The following PLD5 variants were observed in gnomAD, a reference collection of about 807,000 sequenced individuals.
The protein encoded by PLD5 is inactive phospholipase D5.
In PLD5, 36 loss-of-function variants were observed where a neutral mutation model predicts 61.1. The observed-to-expected ratio is 0.59, with a 90% confidence interval of 0.45 to 0.78. The LOEUF is 0.78. Among genes scored for constraint, PLD5 ranks in the 30% least tolerant of loss-of-function variants. PLD5 has a pLI of 0.00. For missense variants in PLD5, 515 were observed against 644.4 expected (o/e 0.80, Z 2.17); for synonymous variants, 243 against 242.8 (o/e 1.00, Z -0.01).
chr1:242,359,365 G>C (rs1421396466), intron 1 of PLD5, among the ~76,000 whole-genome samples: 1 of 152,136 alleles, frequency 6.6e-6, no homozygotes, highest in East Asian at 1.9e-4. Flanking sequence ...TTGAGGAAGA[G>C]GGAAGGATGA....
At chr1:242,156,107 C>T (rs928814768) in intron 5 of PLD5, among the ~76,000 whole-genome samples, 3 of 152,074 alleles carry the variant, frequency 2.0e-5, no homozygotes, top group African/African-American at 7.2e-5. Flanking sequence ...TTATGTAATG[C>T]CCCTCTTTGT....
chr1:242,143,838 C>CT (rs954320100), intron 5 of PLD5, among the ~76,000 whole-genome samples: 189 of 148,134 alleles, frequency 1.3e-3, no homozygotes, highest in African/African-American at 4.3e-3. Flanking sequence ...TATTTCTTTC[C>CT]TTTTTTTTTT....
At chr1:242,463,731 C>A (rs76054583) in intron 1 of PLD5, among the ~76,000 whole-genome samples, 6,254 of 151,064 alleles carry the variant, frequency 0.041, 197 homozygotes, top group Middle Eastern at 0.061. Context: ...TCCTCGTGTA[C>A]ACTCAGGACA....
At chr1:242,331,640 C>T (rs1307945186) in intron 2 of PLD5, among the ~76,000 whole-genome samples, 5 of 152,134 alleles carry the variant, frequency 3.3e-5, no homozygotes, top group African/African-American at 7.2e-5. Context: ...ACATAATCAA[C>T]GTTTAATATT....
At chr1:242,198,773 T>C (rs1224980717) in intron 5 of PLD5, among the ~76,000 whole-genome samples, 2 of 151,800 alleles carry the variant, frequency 1.3e-5, no homozygotes, top group Non-Finnish European at 2.9e-5. Context: ...TTTCACTCGT[T>C]GCCCAGGCTG....
At chr1:242,387,523 G>A (rs912789028) in intron 1 of PLD5, among the ~76,000 whole-genome samples, 1 of 151,956 alleles carries the variant, frequency 6.6e-6, no homozygotes, top group Non-Finnish European at 1.5e-5. Context: ...TACCTACAAG[G>A]GTTTCAAATG....
chr1:242,510,597 G>A (rs978693350), intron 1 of PLD5, among the ~76,000 whole-genome samples: 1 of 152,208 alleles, frequency 6.6e-6, no homozygotes, highest in African/African-American at 2.4e-5. Context: ...TGTAATCCCA[G>A]CACTTTGGGA....
chr1:242,386,324 A>G (rs1662599706), intron 1 of PLD5, among the ~76,000 whole-genome samples: 1 of 152,204 alleles, frequency 6.6e-6, no homozygotes, highest in Non-Finnish European at 1.5e-5. Context: ...ATATCAAAGG[A>G]AAACAGGATA....
At chr1:242,287,487 T>G (rs1427082038) in intron 3 of PLD5, among the ~76,000 whole-genome samples, 2 of 152,200 alleles carry the variant, frequency 1.3e-5, no homozygotes, top group Non-Finnish European at 2.9e-5. Context: ...TTGTTTTTTG[T>G]TTTTATTTTC....
intron 1 of PLD5, among the ~76,000 whole-genome samples, chr1:242,407,239 G>C (rs61247458): frequency 6.6e-6 from 1 of 151,402 alleles, no homozygotes; most frequent in Non-Finnish European, 1.5e-5. Flanking sequence ...TTCATTTTCC[G>C]TCACGATGGT....
intron 4 of PLD5, among the ~76,000 whole-genome samples, chr1:242,238,349 T>G (rs1389925727): frequency 6.6e-6 from 1 of 152,220 alleles, no homozygotes; most frequent in African/African-American, 2.4e-5. Context: ...CTGCACTTCA[T>G]GGATACTCTG....
intron 1 of PLD5, among the ~76,000 whole-genome samples, chr1:242,501,019 G>A (rs377365016): frequency 6.6e-6 from 1 of 152,056 alleles, no homozygotes; most frequent in South Asian, 2.1e-4. Context: ...TTCATAAAAA[G>A]GAAAATAAAT....
At chr1:242,479,690 A>C (rs1422887151) in intron 1 of PLD5, among the ~76,000 whole-genome samples, 1 of 152,144 alleles carries the variant, frequency 6.6e-6, no homozygotes, top group African/African-American at 2.4e-5. Flanking sequence ...ATATATATAA[A>C]ATGAAAATGA....
chr1:242,376,193 T>C (rs1430845081), intron 1 of PLD5, among the ~76,000 whole-genome samples: 1 of 152,212 alleles, frequency 6.6e-6, no homozygotes, highest in Non-Finnish European at 1.5e-5. Flanking sequence ...TTTTTTTCTT[T>C]AGAATAGCCT....
chr1:242,326,551 C>T (rs1306233800), intron 2 of PLD5, among the ~76,000 whole-genome samples: 1 of 152,108 alleles, frequency 6.6e-6, no homozygotes, highest in Non-Finnish European at 1.5e-5. Flanking sequence ...AAATCCTCCC[C>T]CATCCCTCCT....
At chr1:242,485,710 ATTACT>A (rs1177056640) in intron 1 of PLD5, among the ~76,000 whole-genome samples, 1 of 152,222 alleles carries the variant, frequency 6.6e-6, no homozygotes, top group Non-Finnish European at 1.5e-5. Flanking sequence ...ATTGGAAAAA[ATTACT>A]TTAAAGTTCA....
At chr1:242,269,922 A>C (rs1244926179) in intron 3 of PLD5, among the ~76,000 whole-genome samples, 1 of 152,176 alleles carries the variant, frequency 6.6e-6, no homozygotes, top group Non-Finnish European at 1.5e-5. Flanking sequence ...AAAGGGGTCT[A>C]TTTTGAGGTG....
intron 2 of PLD5, among the ~76,000 whole-genome samples, chr1:242,295,896 T>A (rs1301138461): frequency 6.6e-6 from 1 of 152,202 alleles, no homozygotes; most frequent in East Asian, 1.9e-4. Context: ...TAATTAGAAA[T>A]GTATATTTTT....
intron 1 of PLD5, among the ~76,000 whole-genome samples, chr1:242,432,129 TAA>T (rs1665754506): frequency 1.3e-5 from 2 of 152,248 alleles, no homozygotes; most frequent in Non-Finnish European, 2.9e-5. Flanking sequence ...TTGTGACTGA[TAA>T]AGTTTTACTG....
Sources: allele counts gnomAD v4.1 joint callset (sites outside exome capture counted in the v4.1 genomes callset), GRCh38; gene constraint gnomAD v4.1.1; transcripts MANE v1.5; gene names NCBI Gene and HGNC (gene_info 2026-07-23, HGNC 2026-07-21).